GPHN: variants seen among roughly 807,000 people sequenced by gnomAD.
GPHN encodes gephyrin.
Under a neutral mutation model 95.5 loss-of-function variants are expected in GPHN, and 17 were observed. The ratio of observed to expected loss-of-function variants is 0.18; its 90% CI spans 0.12 to 0.27. The LOEUF is 0.27. Ranked by LOEUF, GPHN falls within the 10% of genes least tolerant of loss-of-function variation. GPHN has a pLI of 1.00. For synonymous variants in GPHN, 320 were observed against 322.5 expected, an observed-to-expected ratio of 0.99 and a Z score of 0.08; for missense variants, 660 against 978.1, an observed-to-expected ratio of 0.67 and a Z score of 4.34.
chr14:67,225,021 C>CT, the GPHN span: 153 of 1,107,606 alleles, frequency 1.4e-4, no homozygotes, highest in Middle Eastern at 6.3e-4. Flanking sequence ...CCTTCTGTGC[C>CT]TTTTTTTTCC....
chr14:66,992,943 A>G (rs1274284059), intron 9 of GPHN, among the ~76,000 whole-genome samples: 1 of 152,204 alleles, frequency 6.6e-6, no homozygotes, highest in Non-Finnish European at 1.5e-5. Flanking sequence ...AACACAGATT[A>G]TATGTCTCAT....
chr14:67,661,463 G>A, the GPHN span, among the ~76,000 whole-genome samples: 6 of 151,636 alleles, frequency 4.0e-5, no homozygotes, highest in Middle Eastern at 3.4e-3. Flanking sequence ...AGACAGAAAG[G>A]GACATGGTTA....
At chr14:67,573,305 G>A in the GPHN span, 1 of 1,613,564 alleles carries the variant, frequency 6.2e-7, no homozygotes, top group Non-Finnish European at 8.5e-7. The surrounding 1 kb of genome is among the most constrained non-coding windows in gnomAD (Gnocchi z 4.8). Flanking sequence ...GCTACCTGCT[G>A]AAAATGGGGA....
chr14:66,746,130 C>T (rs937374976), intron 2 of GPHN, among the ~76,000 whole-genome samples: 28 of 152,094 alleles, frequency 1.8e-4, no homozygotes, highest in Non-Finnish European at 4.4e-5. Flanking sequence ...ACAAATAAAT[C>T]TACTGTTAAT....
intron 4 of GPHN, among the ~76,000 whole-genome samples, chr14:66,869,595 T>C (rs1446402130): frequency 6.6e-6 from 1 of 152,176 alleles, no homozygotes; most frequent in Non-Finnish European, 1.5e-5. Context: ...TGCTCTCCAT[T>C]CTCTTTTTCC....
At chr14:67,383,431 T>C in the GPHN span, 1 of 1,613,280 alleles carries the variant, frequency 6.2e-7, no homozygotes, top group Non-Finnish European at 8.5e-7. Flanking sequence ...AAGCCAAAGC[T>C]GAAGATTAAC....
chr14:66,739,739 G>A (rs1008509857), intron 2 of GPHN, among the ~76,000 whole-genome samples: 2 of 151,952 alleles, frequency 1.3e-5, no homozygotes, highest in Admixed American at 1.3e-4. Context: ...GAAGTACTAT[G>A]AATAAGAATC....
chr14:67,725,202 G>A, the GPHN span: 2 of 1,614,080 alleles, frequency 1.2e-6, no homozygotes, highest in Non-Finnish European at 1.7e-6. Context: ...TGCGGAAATT[G>A]GACCTATCCG....
the GPHN span, chr14:67,575,347 A>C: frequency 3.3e-5 from 38 of 1,161,788 alleles, no homozygotes; most frequent in Non-Finnish European, 4.4e-5. Context: ...ATTTACTTCT[A>C]GAGTTACCTA....
At chr14:67,443,645 C>T in the GPHN span, among the ~76,000 whole-genome samples, 1 of 151,884 alleles carries the variant, frequency 6.6e-6, no homozygotes, top group Admixed American at 6.6e-5. Flanking sequence ...GTGCACACCT[C>T]CAGTCCCAGG....
the GPHN span, among the ~76,000 whole-genome samples, chr14:67,445,574 A>AATCTTTTTTTTTT: frequency 1.0e-5 from 1 of 98,682 alleles, no homozygotes; most frequent in African/African-American, 4.6e-5. Context: ...AAGAGAGGCA[A>AATCTTTTTTTTTT]TTCTTTTTTT....
rs114539379 is a variant in GPHN at position 66,953,214 on chromosome 14, A to G, written c.829-11977A>G. On this transcript the variant is annotated intron_variant, in intron 8 of 22. Transcript: ENST00000478722. The stretch of plus-strand genomic sequence containing the variant: ...ATTCAGTTGTTAGAGTTCTTTACAT[A>G]TTATCTGGATGCTGGACTCTATCAG... 3.0e-3 allele frequency among the ~76,000 whole-genome samples: 395 copies of G among 132,134 alleles called. 1 individual carries two copies. The highest frequency in any genetic ancestry group is 0.013 in the African/African-American group (373 of 28,134). 86.7% of individuals were successfully genotyped at this position (132,134 alleles called of 152,430 possible).
the GPHN span, among the ~76,000 whole-genome samples, chr14:67,462,026 C>A: frequency 6.6e-6 from 1 of 152,252 alleles, no homozygotes; most frequent in Non-Finnish European, 1.5e-5. Flanking sequence ...CTGTCCTTGA[C>A]TGCCTGTCCC....
At chr14:66,976,658 A>C (rs1214429710) in intron 9 of GPHN, among the ~76,000 whole-genome samples, 3 of 152,176 alleles carry the variant, frequency 2.0e-5, no homozygotes, top group Non-Finnish European at 4.4e-5. Context: ...ATTTCAGTGA[A>C]TATTTTTAAA....
the GPHN span, among the ~76,000 whole-genome samples, chr14:67,678,913 C>T: frequency 1.3e-5 from 2 of 151,902 alleles, no homozygotes; most frequent in Non-Finnish European, 2.9e-5. Context: ...AGAAGTAAAG[C>T]CAGCTTCGAA....
intron 8 of GPHN, among the ~76,000 whole-genome samples, chr14:66,937,451 G>C (rs2067189635): frequency 6.6e-6 from 1 of 151,462 alleles, no homozygotes; most frequent in Non-Finnish European, 1.5e-5. Context: ...CACAATCTCA[G>C]CTCACTGCAA....
the GPHN span, among the ~76,000 whole-genome samples, chr14:67,325,895 G>A: frequency 6.7e-6 from 1 of 150,234 alleles, no homozygotes; most frequent in Non-Finnish European, 1.5e-5. Flanking sequence ...TGCAACCTCC[G>A]CCTCCTGGGT....
chr14:67,165,082 A>G (rs1000286759), intron 19 of GPHN, 80 bp from the exon 20 acceptor site: 15 of 953,792 alleles, frequency 1.6e-5, no homozygotes, highest in Non-Finnish European at 2.4e-5. Flanking sequence ...AAGTGTATGG[A>G]TTACAAAAAC....
chr14:67,044,956 T>G (rs1657421884), intron 10 of GPHN, among the ~76,000 whole-genome samples: 1 of 152,134 alleles, frequency 6.6e-6, no homozygotes, highest in Non-Finnish European at 1.5e-5. Context: ...TTCTTAACTT[T>G]AGAAACCCCA....
Sources: allele counts gnomAD v4.1 joint callset (sites outside exome capture counted in the v4.1 genomes callset), GRCh38; gene constraint gnomAD v4.1.1; non-coding constraint Gnocchi (gnomAD v3.1); transcripts MANE v1.5; gene names NCBI Gene and HGNC (gene_info 2026-07-23, HGNC 2026-07-21).